CA4: variants seen among roughly 807,000 people sequenced by gnomAD.
CA4 encodes CA-IV.
CA4 carries 24 observed loss-of-function variants against 34.5 expected under a neutral mutation model. The observed-to-expected ratio is 0.70, with a 90% CI of 0.50 to 0.98. The LOEUF is 0.98. CA4 is among the 50% of genes least tolerant of loss of function. CA4 has a pLI of 0.00. For synonymous variants in CA4, 178 were observed against 170.6 expected (o/e 1.04, Z -0.34); for missense variants, 394 against 396.7 (o/e 0.99, Z 0.06).
chr17:60,158,305 G>C lies in CA4; in HGVS notation c.603G>C (p.Glu201Asp), dbSNP rs1273653956. 1.2e-6 allele frequency: 2 copies of C among 1,614,062 alleles called. No individual in the cohort carries two copies. Among genetic ancestry groups the C allele is most frequent in the Non-Finnish European group, 1.7e-6 (2 of 1,180,042 alleles). Residue 201 changes from glutamate (E) to aspartate (D), a missense_variant, in exon 7 of 8, where the codon GAG becomes GAC. Glu to Asp is a conservative substitution (Grantham distance 45, BLOSUM62 2). Coordinates refer to ENST00000300900, the MANE Select transcript of CA4 (RefSeq NM_000717.5). ...CAGAGATGAGCACTACGATGGCAGA[G>C]AGCAGCCTGTTGGACCTGCTCCCCA... ...PKPEMSTTMAESSLLDLLPKE... is the reference protein window; with the variant it reads ...PKPEMSTTMADSSLLDLLPKE...
chr17:60,168,503 G>C (rs1391900687), intron 5 of CA4, among the ~76,000 whole-genome samples: 15 of 114,550 alleles, frequency 1.3e-4, no homozygotes, highest in South Asian at 3.7e-4. Flanking sequence ...TCTTTTTTTG[G>C]GGGGGCAGGT....
Position 60,156,542 on chromosome 17 carries a change from C to T in CA4, c.113-18C>T, listed in dbSNP as rs1265683885. ...TGCCAGGCACCCGACTCTCAGCCCACCTTCTCTCCCTGCTCAGTGCCAGTC... is the reference window on the plus strand; with the variant it reads ...TGCCAGGCACCCGACTCTCAGCCCATCTTCTCTCCCTGCTCAGTGCCAGTC... On this transcript the variant is annotated intron_variant, in intron 2 of 7. Transcript: ENST00000300900. 1.2e-6 allele frequency: 2 copies of T among 1,614,090 alleles called. No individual in the cohort carries two copies. The highest frequency in any genetic ancestry group is 1.1e-5 in the South Asian group (1 of 91,082).
At chr17:60,163,970 G>C (rs913618112), downstream of CA4, among the ~76,000 whole-genome samples, 3 of 151,878 alleles carry the variant, frequency 2.0e-5, no homozygotes, top group Non-Finnish European at 4.4e-5. Context: ...GTCTCTACGA[G>C]GGGGAAAAAA....
At chr17:60,151,242 TC>T (rs1202037692) in intron 1 of CA4, among the ~76,000 whole-genome samples, 1 of 151,916 alleles carries the variant, frequency 6.6e-6, no homozygotes, top group Non-Finnish European at 1.5e-5. Context: ...AAACCTCCTC[TC>T]CCAAGTTAGG....
chr17:60,153,152 A>C lies in CA4; in HGVS notation c.59-2162A>C, dbSNP rs185409569. On this transcript the variant is annotated intron_variant, in intron 1 of 7. Transcript: ENST00000300900. ...CAGGAGTTCGAGACCAGCCTGGTCA[A>C]CATGGTGAAACCCTGTCTCTACTAA... Among the ~76,000 whole-genome samples the C allele has an allele frequency of 3.1e-3, 475 of 152,256 alleles. 3 individuals are homozygous for C. Among genetic ancestry groups the C allele is most frequent in the African/African-American group, 9.5e-3 (395 of 41,538 alleles).
At chr17:60,152,925 C>T (rs1230748060) in intron 1 of CA4, among the ~76,000 whole-genome samples, 3 of 152,138 alleles carry the variant, frequency 2.0e-5, no homozygotes, top group Non-Finnish European at 4.4e-5. Context: ...CATTTCTAGC[C>T]TCTAGATGTT....
downstream of CA4, among the ~76,000 whole-genome samples, chr17:60,173,278 T>G (rs1323081078): frequency 2.6e-5 from 4 of 152,254 alleles, no homozygotes; most frequent in African/African-American, 9.6e-5. Context: ...ATACTTTTAT[T>G]ACAACTGGCC....
Position 60,154,966 on chromosome 17 carries a change from G to T in CA4, c.59-348G>T, listed in dbSNP as rs373946441. On this transcript the variant is annotated intron_variant, in intron 1 of 7. Transcript: ENST00000300900. ...CCAGCCTCTTTTCCAGGTTTGGGGTGGGGGAGGTAAGCGCGGAGGAGGCTG... is the reference window on the plus strand; with the variant it reads ...CCAGCCTCTTTTCCAGGTTTGGGGTTGGGGAGGTAAGCGCGGAGGAGGCTG... Among the ~76,000 whole-genome samples the T allele has an allele frequency of 3.3e-5, 5 of 152,306 alleles. No homozygotes were observed. In the South Asian group the frequency reaches 6.2e-4, roughly 19 times the overall value.
chr17:60,168,056 CAGAGATGT>C (rs1052347669), intron 5 of CA4, among the ~76,000 whole-genome samples: 52 of 151,864 alleles, frequency 3.4e-4, no homozygotes, highest in East Asian at 1.2e-3. Flanking sequence ...AGTGAAGCTT[CAGAGATGT>C]AGAGATGTAG....
chr17:60,155,342 C>A lies in CA4; in HGVS notation c.87C>A (p.Ala29=). ...AESHWCYEVQ[A]ESSNYPCLVP... ...CACACTGGTGCTACGAGGTTCAAGC[C>A]GAGTCCTCCAACTACCCCTGCTTGG... The change falls in exon 2 of 8, where the codon GCC becomes GCA. Residue 29 remains alanine (A), a synonymous_variant. Coordinates refer to ENST00000300900, the MANE Select transcript of CA4 (RefSeq NM_000717.5). 1 of 1,611,378 alleles carries A rather than the reference C, an allele frequency of 6.2e-7. No individual in the cohort carries two copies. Among genetic ancestry groups the A allele is most frequent in the African/African-American group, 1.3e-5 (1 of 74,816 alleles).
At chr17:60,159,586 A>C (rs912144651), downstream of CA4, 1 of 782,478 alleles carries the variant, frequency 1.3e-6, no homozygotes, top group Non-Finnish European at 2.1e-6. Flanking sequence ...CAACTACCCC[A>C]CCCTGTCCCC....
intron 7 of CA4, 21 bp from the exon 8 acceptor site, chr17:60,159,209 T>C: frequency 3.2e-6 from 5 of 1,582,658 alleles, no homozygotes; most frequent in Non-Finnish European, 4.3e-6. Flanking sequence ...CCCGACCTGC[T>C]GAGCCCCATC....
chr17:60,164,404 T>C (rs2083834060), downstream of CA4, among the ~76,000 whole-genome samples: 1 of 151,716 alleles, frequency 6.6e-6, no homozygotes, highest in East Asian at 1.9e-4. Flanking sequence ...TCTTTTTCTT[T>C]CTTTTTATAC....
chr17:60,167,114 T>C (rs2083863769), intron 5 of CA4, among the ~76,000 whole-genome samples: 1 of 152,194 alleles, frequency 6.6e-6, no homozygotes, highest in South Asian at 2.1e-4. Context: ...AGCGAATGAA[T>C]GACAAAATGG....
intron 1 of CA4, among the ~76,000 whole-genome samples, chr17:60,153,782 C>T (rs1347447241): frequency 1.3e-5 from 2 of 152,238 alleles, no homozygotes; most frequent in African/African-American, 2.4e-5. Flanking sequence ...GCAGAATCCA[C>T]CCACATGGGG....
downstream of CA4, among the ~76,000 whole-genome samples, chr17:60,160,290 T>C (rs1218273568): frequency 6.6e-6 from 1 of 152,196 alleles, no homozygotes; most frequent in East Asian, 1.9e-4. Flanking sequence ...AGGAAGTTCA[T>C]TTGTTTGCTC....
At chr17:60,175,243 T>G (rs1438848488), downstream of CA4, among the ~76,000 whole-genome samples, 1 of 147,800 alleles carries the variant, frequency 6.8e-6, no homozygotes, top group African/African-American at 2.6e-5. Flanking sequence ...TTGCTCAGAC[T>G]GGTCTTGAAC....
chr17:60,176,492 A>T, the CA4 span, among the ~76,000 whole-genome samples: 1 of 152,046 alleles, frequency 6.6e-6, no homozygotes, highest in Non-Finnish European at 1.5e-5. Context: ...TGCTCCCTAG[A>T]AACCTAGGGT....
downstream of CA4, among the ~76,000 whole-genome samples, chr17:60,161,493 C>A (rs1432391721): frequency 6.6e-6 from 1 of 152,012 alleles, no homozygotes; most frequent in Admixed American, 6.5e-5. Flanking sequence ...CACAGGAAGG[C>A]GTGCCCACCA....
Sources: gnomAD v4.1 joint callset for allele counts (sites outside exome capture counted in the v4.1 genomes callset) on GRCh38, gnomAD v4.1.1 for gene constraint, MANE v1.5 for transcripts, NCBI Gene and HGNC (gene_info 2026-07-23, HGNC 2026-07-21) for gene names.